CLGN: variants seen among roughly 807,000 people sequenced by gnomAD.
CLGN encodes the protein calmegin.
CLGN carries 62 observed loss-of-function variants against 79.1 expected under a neutral mutation model. The observed-to-expected ratio is 0.78, with a 90% CI of 0.64 to 0.97. CLGN has a LOEUF of 0.97. Ranked by LOEUF, CLGN falls within the 50% of genes least tolerant of loss-of-function variation. CLGN has a pLI of 0.00. For missense variants in CLGN, 647 were observed against 715.5 expected (o/e 0.90, Z 1.09); for synonymous variants, 225 against 224.7 (o/e 1.00, Z -0.01).
chr4:140,395,996 C>T, intron 9 of CLGN, 27 bp from the exon 10 acceptor site: 1 of 1,601,932 alleles, frequency 6.2e-7, no homozygotes. Flanking sequence ...AAAGCAAATA[C>T]AGTAACCTCA....
intron 1 of CLGN, among the ~76,000 whole-genome samples, chr4:140,414,359 T>C (rs1729279802): frequency 6.6e-6 from 1 of 151,168 alleles, no homozygotes; most frequent in Non-Finnish European, 1.5e-5. Context: ...AGAATGACTT[T>C]GACGAGCTGA....
intron 10 of CLGN, among the ~76,000 whole-genome samples, chr4:140,395,486 A>C (rs1728856093): frequency 6.6e-6 from 1 of 152,194 alleles, no homozygotes; most frequent in African/African-American, 2.4e-5. Flanking sequence ...TAAGTACATT[A>C]ATTAAGCACA....
chr4:140,409,437 CA>C (rs1729171474), intron 4 of CLGN, among the ~76,000 whole-genome samples: 1 of 151,994 alleles, frequency 6.6e-6, no homozygotes, highest in Non-Finnish European at 1.5e-5. Context: ...TTGTAGCTCT[CA>C]TTAGCTATCT....
Sources: allele counts gnomAD v4.1 joint callset (sites outside exome capture counted in the v4.1 genomes callset), GRCh38; gene constraint gnomAD v4.1.1; transcripts MANE v1.5; gene names NCBI Gene and HGNC (gene_info 2026-07-23, HGNC 2026-07-21).